ABI2: variants seen among roughly 807,000 people sequenced by gnomAD.
The protein encoded by ABI2 is abl interactor 2.
Under a neutral mutation model 59.2 loss-of-function variants are expected in ABI2, and 25 were observed. The observed-to-expected ratio is 0.42, with a 90% CI of 0.31 to 0.59. The LOEUF (loss-of-function observed/expected upper bound fraction) is 0.59, where lower values mean the gene tolerates loss of function less well. Ranked by LOEUF, ABI2 falls within the 20% of genes least tolerant of loss-of-function variation. The pLI, the probability that ABI2 is intolerant of heterozygous loss-of-function variation, is 0.14. For synonymous variants in ABI2, 213 were observed against 235.5 expected (o/e 0.90, Z 0.87); for missense variants, 545 against 681.8 (o/e 0.80, Z 2.23).
intron 4 of ABI2, among the ~76,000 whole-genome samples, chr2:203,385,014 T>C (rs1337408730): frequency 6.6e-6 from 1 of 151,932 alleles, no homozygotes; most frequent in African/African-American, 2.4e-5. Flanking sequence ...TGTGTACTTT[T>C]AGTAGAGACA....
In ABI2 at chr2:203,420,316, T is replaced by TA. The variant is rs537477443; in HGVS notation, c.1453+3236dup. Reference sequence around the variant, plus strand: ...TTCTTTTGTTCTTCTGGCTCAGTGATACAGCTTTTAGCTAGAAGTATAAAT... The same window carrying TA: ...TTCTTTTGTTCTTCTGGCTCAGTGATAACAGCTTTTAGCTAGAAGTATAAAT... On this transcript the variant is annotated intron_variant, in intron 11 of 11. Coordinates refer to ENST00000261018, the MANE Select transcript of ABI2 (RefSeq NM_001375670.1). 5.4e-4 allele frequency among the ~76,000 whole-genome samples: 82 copies of TA among 152,354 alleles called. No individual in the cohort carries two copies. In the East Asian group the frequency reaches 0.015, roughly 28 times the overall value.
chr2:203,410,546 TGGGAA>T (rs1010811371), intron 9 of ABI2, among the ~76,000 whole-genome samples: 1 of 152,130 alleles, frequency 6.6e-6, no homozygotes, highest in African/African-American at 2.4e-5. Context: ...AAATACACCT[TGGGAA>T]GGAGAGTGGA....
intron 1 of ABI2, among the ~76,000 whole-genome samples, chr2:203,359,374 T>C (rs2152880415): frequency 1.3e-5 from 2 of 152,326 alleles, no homozygotes; most frequent in Middle Eastern, 6.8e-3. Flanking sequence ...TGTCTTAATT[T>C]AGAGTATTCA....
Position 203,431,203 on chromosome 2 carries a change from T to A in ABI2, c.*3851T>A, listed in dbSNP as rs1468354600. 1 of 152,618 alleles carries A rather than the reference T, an allele frequency of 6.6e-6. No individual in the cohort carries two copies. The highest frequency in any genetic ancestry group is 2.4e-5 in the African/African-American group (1 of 41,446). 9.5% of individuals were successfully genotyped at this position (152,618 alleles called of 1,614,324 possible). On this transcript the variant is annotated 3_prime_UTR_variant, in exon 12 of 12. Transcript: ENST00000261018. ...TTTGAGCTAGATGAAATTTTTAAAA[T>A]TTCTGGTTGTCTCATTAGACTGATG...
chr2:203,351,284 T>A (rs1003117191), intron 1 of ABI2, among the ~76,000 whole-genome samples: 1 of 152,236 alleles, frequency 6.6e-6, no homozygotes, highest in Non-Finnish European at 1.5e-5. Flanking sequence ...CTTCTACCTT[T>A]GTTCTTCCGT....
In ABI2 at chr2:203,364,089, ATCTTTTTTT is replaced by A. The variant is rs551188780; in HGVS notation, c.118-2786_118-2778del. Among the ~76,000 whole-genome samples the A allele has an allele frequency of 5.0e-3, 689 of 138,166 alleles. 3 individuals are homozygous for A. Among genetic ancestry groups the A allele is most frequent in the South Asian group, 0.015 (66 of 4,454 alleles). The allele number at this position is 138,166 out of a possible 152,430, so 90.6% of individuals were successfully genotyped here. On this transcript the variant is annotated intron_variant, in intron 1 of 11. Coordinates refer to ENST00000261018, the MANE Select transcript of ABI2 (RefSeq NM_001375670.1). ...TGTACCATATTTTCTTTGTCCATTC[ATCTTTTTTT>A]TTTTTTTAAGTTTTATTTTGAGACA...
intron 9 of ABI2, chr2:203,403,358 C>T (rs1038601150): frequency 6.5e-6 from 1 of 154,908 alleles, no homozygotes; most frequent in African/African-American, 2.4e-5. Flanking sequence ...CTATTGTGGA[C>T]ATGGTATGTC....
At chr2:203,345,065 C>T (rs1461999681) in intron 1 of ABI2, among the ~76,000 whole-genome samples, 1 of 152,180 alleles carries the variant, frequency 6.6e-6, no homozygotes, top group African/African-American at 2.4e-5. Context: ...CCGGGGTCCT[C>T]TTCCATGCTG....
intron 7 of ABI2, 35 bp downstream of exon 7, chr2:203,395,815 C>T (rs762435953): frequency 1.3e-6 from 2 of 1,520,636 alleles, no homozygotes; most frequent in Non-Finnish European, 1.8e-6. Flanking sequence ...TTCACTTTTC[C>T]TTTCTGAATT....
intron 1 of ABI2, among the ~76,000 whole-genome samples, chr2:203,345,780 A>G (rs1279065891): frequency 6.6e-6 from 1 of 151,826 alleles, no homozygotes; most frequent in Admixed American, 6.6e-5. Flanking sequence ...TCCTGACCTC[A>G]AGTGATCCAC....
At chr2:203,394,983 CCT>C (rs1017927774) in intron 6 of ABI2, 137 bp downstream of exon 6, 7 of 937,616 alleles carry the variant, frequency 7.5e-6, no homozygotes, top group South Asian at 5.6e-5. Flanking sequence ...TCTGATTTCA[CCT>C]CTCTCTCCTC....
In ABI2 at chr2:203,369,072, G is replaced by A. The variant is rs993372948; in HGVS notation, c.285+2028G>A. ...GCTGGTCCTGAAATCCTGGGCTCAA[G>A]CAGTCTCCCACCTTAGTCTCCCAAG... On this transcript the variant is annotated intron_variant, in intron 2 of 11. Transcript: ENST00000261018. Among the ~76,000 whole-genome samples the A allele has an allele frequency of 8.1e-5, 11 of 135,258 alleles. No homozygotes were observed. The East Asian group carries it at 2.4e-3, about 29-fold the overall frequency. 88.7% of individuals were successfully genotyped at this position (135,258 alleles called of 152,430 possible). A position where few individuals can be genotyped will look rare whatever the true frequency, so the allele number is the denominator to read the frequency against.
intron 4 of ABI2, among the ~76,000 whole-genome samples, chr2:203,390,611 A>G (rs2096707816): frequency 3.3e-5 from 5 of 152,076 alleles, no homozygotes; most frequent in Admixed American, 1.3e-4. Flanking sequence ...CAGCCTGGGT[A>G]ACAAAGCGAG....
At chr2:203,398,799 A>G (rs190578203) in intron 8 of ABI2, among the ~76,000 whole-genome samples, 1 of 152,228 alleles carries the variant, frequency 6.6e-6, no homozygotes. Context: ...AAATGAAAGC[A>G]TATAGTATGT....
chr2:203,378,303 G>T (rs1329202280), intron 2 of ABI2, among the ~76,000 whole-genome samples: 1 of 151,996 alleles, frequency 6.6e-6, no homozygotes, highest in Non-Finnish European at 1.5e-5. Context: ...AGTAGAGACG[G>T]GGTTTCACCG....
chr2:203,351,930 A>G (rs904434663), intron 1 of ABI2, among the ~76,000 whole-genome samples: 1 of 152,228 alleles, frequency 6.6e-6, no homozygotes, highest in African/African-American at 2.4e-5. Context: ...CCATAAGATT[A>G]TAACAGCTGA....
intron 1 of ABI2, among the ~76,000 whole-genome samples, chr2:203,366,204 G>A (rs1219613395): frequency 2.0e-5 from 3 of 151,974 alleles, no homozygotes; most frequent in Non-Finnish European, 2.9e-5. Context: ...CTGTAATCCC[G>A]GCACTTCAGG....
intron 8 of ABI2, among the ~76,000 whole-genome samples, chr2:203,398,747 G>A (rs1343290931): frequency 6.6e-6 from 1 of 152,022 alleles, no homozygotes; most frequent in Non-Finnish European, 1.5e-5. Context: ...AGCCCTTGAT[G>A]TGTTTTTTTT....
intron 11 of ABI2, among the ~76,000 whole-genome samples, chr2:203,422,465 G>A (rs1377811786): frequency 6.6e-6 from 1 of 152,154 alleles, no homozygotes; most frequent in Non-Finnish European, 1.5e-5. Context: ...AGATTTAGAA[G>A]GTGGAATTAA....
Sources: gnomAD v4.1 joint callset for allele counts (sites outside exome capture counted in the v4.1 genomes callset) on GRCh38, gnomAD v4.1.1 for gene constraint, MANE v1.5 for transcripts, NCBI Gene and HGNC (gene_info 2026-07-23, HGNC 2026-07-21) for gene names.